Variants in LRRC8B observed in about 807,000 individuals in gnomAD.
LRRC8B encodes volume-regulated anion channel subunit LRRC8B.
A neutral mutation model predicts 58.8 loss-of-function variants in LRRC8B; 23 were observed. The observed-to-expected ratio is 0.39, with a 90% CI of 0.28 to 0.55. The LOEUF is 0.55. LRRC8B is among the 20% of genes least tolerant of loss of function. The pLI, the probability that LRRC8B is intolerant of heterozygous loss-of-function variation, is 0.62. For missense variants in LRRC8B, 694 were observed against 936.0 expected (o/e 0.74, Z 3.37); for synonymous variants, 359 against 374.1 (o/e 0.96, Z 0.47).
At chr1:89,536,521 T>C (rs926665904) in intron 1 of LRRC8B, among the ~76,000 whole-genome samples, 9 of 152,210 alleles carry the variant, frequency 5.9e-5, no homozygotes, top group African/African-American at 1.7e-4. Flanking sequence ...GCAGCTAATA[T>C]GTGTCAGGCA....
At position 89,552,749 on chromosome 1, in the gene LRRC8B, G is replaced by A. The variant is rs1040067662; in HGVS notation, c.-240-15498G>A. On this transcript the variant is annotated intron_variant, in intron 1 of 5. Coordinates refer to ENST00000330947, the MANE Select transcript of LRRC8B (RefSeq NM_001369817.2). ...ACCCTGCTCCCTGTGTTCACCAGGCGGGTTGGTGAAAGCTTGTGTTTCAGA... is the reference window on the plus strand; with the variant it reads ...ACCCTGCTCCCTGTGTTCACCAGGCAGGTTGGTGAAAGCTTGTGTTTCAGA... 5.9e-5 allele frequency among the ~76,000 whole-genome samples: 9 copies of A among 152,298 alleles called. No individual in the cohort carries two copies. In the South Asian group the frequency reaches 1.4e-3, roughly 25 times the overall value.
chr1:89,558,216 C>G (rs1207856665), intron 1 of LRRC8B, among the ~76,000 whole-genome samples: 1 of 152,100 alleles, frequency 6.6e-6, no homozygotes, highest in Non-Finnish European at 1.5e-5. Flanking sequence ...TCAGTGATCA[C>G]TGTGATCACA....
At chr1:89,565,766 C>T (rs553948224) in intron 1 of LRRC8B, among the ~76,000 whole-genome samples, 2 of 152,284 alleles carry the variant, frequency 1.3e-5, no homozygotes, top group South Asian at 2.1e-4. Flanking sequence ...AAGACTGACA[C>T]GGGAGTGGGC....
At chr1:89,550,304 T>C (rs74098128) in intron 1 of LRRC8B, among the ~76,000 whole-genome samples, 200 of 152,324 alleles carry the variant, frequency 1.3e-3, no homozygotes, top group African/African-American at 4.7e-3. Flanking sequence ...TCCCTATGTG[T>C]ATTTCTCCTT....
In LRRC8B at chr1:89,536,572, G is replaced by A. The variant is rs563295238; in HGVS notation, c.-241+11550G>A. 7.2e-5 allele frequency among the ~76,000 whole-genome samples: 11 copies of A among 152,276 alleles called. No individual in the cohort carries two copies. In the South Asian group the frequency reaches 2.3e-3, roughly 32 times the overall value. On this transcript the variant is annotated intron_variant, in intron 1 of 5. Transcript: ENST00000330947. ...GGGAATAAATCCAACAGAGAAAACA[G>A]AAAAAACCCTTTTTGCATGAAGCAT...
chr1:89,552,724 A>G (rs116448205), intron 1 of LRRC8B, among the ~76,000 whole-genome samples: 2,613 of 152,324 alleles, frequency 0.017, 84 homozygotes, highest in African/African-American at 0.058. Flanking sequence ...TGATTGCTTA[A>G]CCCTGCTCCC....
chr1:89,541,392 G>A (rs142408472), intron 1 of LRRC8B, among the ~76,000 whole-genome samples: 150 of 152,294 alleles, frequency 9.8e-4, no homozygotes, highest in Middle Eastern at 6.8e-3. Flanking sequence ...ACCAGGTAGA[G>A]TTATTTCTAT....
chr1:89,551,984 T>C (rs1352966291), intron 1 of LRRC8B, among the ~76,000 whole-genome samples: 1 of 152,212 alleles, frequency 6.6e-6, no homozygotes, highest in Non-Finnish European at 1.5e-5. Flanking sequence ...TGTCACTGCT[T>C]ATTTATTCAT....
intron 1 of LRRC8B, among the ~76,000 whole-genome samples, chr1:89,562,138 A>G (rs1652707763): frequency 9.1e-6 from 1 of 110,024 alleles, no homozygotes; most frequent in African/African-American, 3.2e-5. Context: ...CTGTCTTATA[A>G]CCACCTCCCA....
At chr1:89,529,099 G>C (rs1210368342) in intron 1 of LRRC8B, among the ~76,000 whole-genome samples, 2 of 152,118 alleles carry the variant, frequency 1.3e-5, no homozygotes, top group Admixed American at 6.5e-5. Flanking sequence ...TTCTTGACTA[G>C]TATTGTCTTT....
At chr1:89,536,304 G>A (rs1650524126) in intron 1 of LRRC8B, among the ~76,000 whole-genome samples, 1 of 152,156 alleles carries the variant, frequency 6.6e-6, no homozygotes, top group Admixed American at 6.5e-5. Context: ...AGCAGATATG[G>A]CACTCGAATC....
In LRRC8B at chr1:89,584,291, C is replaced by T. The variant is rs754553878; in HGVS notation, c.1641C>T (p.Ser547=). The T allele has an allele frequency of 2.5e-6, 4 of 1,614,046 alleles. No individual in the cohort carries two copies. Among genetic ancestry groups the T allele is most frequent in the Non-Finnish European group, 3.4e-6 (4 of 1,180,038 alleles). The part of the protein sequence containing the change: ...LKNLRTLYLK[S]SLSRIPQVVT... ...ATCTAAGGACCCTGTACTTGAAGAG[C>T]AGCCTCTCCCGGATCCCACAAGTTG... The change falls in exon 5 of 6, where the codon AGC becomes AGT. Residue 547 remains serine, a synonymous_variant. Transcript: ENST00000330947.
intron 1 of LRRC8B, among the ~76,000 whole-genome samples, chr1:89,533,262 C>T (rs1650274234): frequency 6.6e-6 from 1 of 152,188 alleles, no homozygotes; most frequent in Non-Finnish European, 1.5e-5. Flanking sequence ...TAAGTCCAAA[C>T]ACCATGGTGT....
rs1325170463 is a variant in LRRC8B at position 89,596,773 on chromosome 1, G to T, written c.*3730G>T. 1 of 152,138 alleles carries T rather than the reference G, an allele frequency of 6.6e-6. No individual in the cohort carries two copies. Among genetic ancestry groups the T allele is most frequent in the Non-Finnish European group, 1.5e-5 (1 of 68,000 alleles). 9.4% of individuals were successfully genotyped at this position (152,138 alleles called of 1,614,324 possible). On this transcript the variant is annotated 3_prime_UTR_variant, in exon 6 of 6. Coordinates refer to ENST00000330947, the MANE Select transcript of LRRC8B (RefSeq NM_001369817.2). Reference sequence around the variant, plus strand: ...CCAGAAGATTTGCAATGATATTTGAGCATGTATTTATTTAGGAGGAAGCCA... The same window carrying T: ...CCAGAAGATTTGCAATGATATTTGATCATGTATTTATTTAGGAGGAAGCCA...
chr1:89,546,715 A>T (rs1384026386), intron 1 of LRRC8B, among the ~76,000 whole-genome samples: 3 of 152,220 alleles, frequency 2.0e-5, no homozygotes, highest in Non-Finnish European at 4.4e-5. Flanking sequence ...GCAACAGACT[A>T]ACAGCTGACT....
intron 1 of LRRC8B, among the ~76,000 whole-genome samples, chr1:89,547,041 C>T (rs1313434385): frequency 1.3e-5 from 2 of 152,156 alleles, no homozygotes; most frequent in Non-Finnish European, 2.9e-5. Context: ...ACTCTCACTT[C>T]CTAATTATTT....
At chr1:89,577,531 TA>T (rs1653938973) in intron 3 of LRRC8B, among the ~76,000 whole-genome samples, 1 of 152,216 alleles carries the variant, frequency 6.6e-6, no homozygotes, top group South Asian at 2.1e-4. Context: ...CATTGTTTAC[TA>T]AAATATGGTC....
At chr1:89,569,152 T>G (rs1160284837) in intron 3 of LRRC8B, among the ~76,000 whole-genome samples, 5 of 152,150 alleles carry the variant, frequency 3.3e-5, no homozygotes, top group African/African-American at 1.2e-4. Flanking sequence ...TCTGAACATA[T>G]AGTCTAGGTG....
chr1:89,540,442 G>A (rs551651987), intron 1 of LRRC8B, among the ~76,000 whole-genome samples: 9 of 152,324 alleles, frequency 5.9e-5, no homozygotes, highest in East Asian at 3.9e-4. Context: ...CCCTAACAGT[G>A]ATGTGAAAAT....
Sources: allele counts gnomAD v4.1 joint callset (sites outside exome capture counted in the v4.1 genomes callset), GRCh38; gene constraint gnomAD v4.1.1; transcripts MANE v1.5; gene names NCBI Gene and HGNC (gene_info 2026-07-23, HGNC 2026-07-21).